The following RTP2 variants were observed in gnomAD, a reference collection of about 807,000 sequenced individuals.
The protein encoded by RTP2 is receptor-transporting protein 2.
In RTP2, 12 loss-of-function variants were observed where a neutral mutation model predicts 17.9. That is an observed-to-expected ratio of 0.67 (90% CI 0.43 to 1.09). RTP2 has a LOEUF of 1.09. Ranked by LOEUF, RTP2 falls within the 50% of genes least tolerant of loss-of-function variation. RTP2 has a pLI of 0.00. For synonymous variants in RTP2, 126 were observed against 117.7 expected (o/e 1.07, Z -0.46); for missense variants, 327 against 295.7 (o/e 1.11, Z -0.78).
At chr3:187,698,765 G>A (rs1432040100) in exon 2 of RTP2, 1 of 1,613,964 alleles carries the variant, frequency 6.2e-7, no homozygotes, top group Non-Finnish European at 8.5e-7. Context: ...CGTGGATGCG[G>A]TACTGGCCAC....
intron 1 of RTP2, among the ~76,000 whole-genome samples, chr3:187,699,911 CG>C (rs1302325811): frequency 7.2e-5 from 11 of 152,112 alleles, no homozygotes; most frequent in Non-Finnish European, 1.6e-4. Context: ...CCACTCACTC[CG>C]CCCCCACCAC....
chr3:187,698,585 CAAG>C (rs1560135290), exon 2 of RTP2: 1 of 1,614,264 alleles, frequency 6.2e-7, no homozygotes. Context: ...AGCGAAGAGA[CAAG>C]AAGTTGTAGC....
chr3:187,699,219 G>A (rs556635854), intron 1 of RTP2, among the ~76,000 whole-genome samples: 3 of 152,128 alleles, frequency 2.0e-5, no homozygotes, highest in African/African-American at 4.8e-5. Context: ...GCATCCTCAG[G>A]AGCCAGTGCC....
intron 1 of RTP2, among the ~76,000 whole-genome samples, chr3:187,700,535 A>C (rs1379403307): frequency 2.0e-5 from 3 of 152,228 alleles, no homozygotes; most frequent in Non-Finnish European, 4.4e-5. Context: ...GATCCTGGGC[A>C]CTCAAGTTTC....
At chr3:187,712,325 T>A in the RTP2 span, among the ~76,000 whole-genome samples, 4 of 152,308 alleles carry the variant, frequency 2.6e-5, no homozygotes, top group East Asian at 7.7e-4. Flanking sequence ...TCCATAATTA[T>A]TTAAAAATTT....
At chr3:187,713,611 A>G in the RTP2 span, among the ~76,000 whole-genome samples, 1 of 152,220 alleles carries the variant, frequency 6.6e-6, no homozygotes, top group African/African-American at 2.4e-5. Flanking sequence ...GTAGTGGCTC[A>G]CAACCAATCT....
Position 187,700,398 on chromosome 3 carries a change from T to C in RTP2, c.165-1387A>G, listed in dbSNP as rs574138201. On this transcript the variant is annotated intron_variant, in intron 1 of 1. Transcript: ENST00000358241. The stretch of plus-strand genomic sequence containing the variant: ...GTGAGCCTGTGCACAAATAAGCTCA[T>C]GGGCAGCAGTTCTTCAGCTCTTCCT... Among the ~76,000 whole-genome samples the C allele has an allele frequency of 3.3e-5, 5 of 152,318 alleles. No individual in the cohort carries two copies. In the East Asian group the frequency reaches 9.6e-4, roughly 29 times the overall value.
chr3:187,700,871 C>G (rs181332951), intron 1 of RTP2, among the ~76,000 whole-genome samples: 1 of 152,154 alleles, frequency 6.6e-6, no homozygotes, highest in African/African-American at 2.4e-5. Context: ...CATGAATCAG[C>G]CAACCTCTGG....
the RTP2 span, among the ~76,000 whole-genome samples, chr3:187,715,467 C>A: frequency 6.6e-6 from 1 of 151,718 alleles, no homozygotes; most frequent in Non-Finnish European, 1.5e-5. Context: ...AGAAGGTAAC[C>A]ATTTAGTGGC....
intron 1 of RTP2, among the ~76,000 whole-genome samples, chr3:187,699,728 T>TA (rs1560136000): frequency 1.5e-4 from 18 of 118,754 alleles, no homozygotes; most frequent in African/African-American, 5.8e-4. Flanking sequence ...CCATTGCCAC[T>TA]CCACACACAC....
exon 2 of RTP2, chr3:187,698,482 C>T (rs757614976): frequency 1.1e-5 from 17 of 1,589,314 alleles, no homozygotes; most frequent in Non-Finnish European, 1.4e-5. Flanking sequence ...CCCTCTCCCA[C>T]CCTTAACCAG....
upstream of RTP2, among the ~76,000 whole-genome samples, chr3:187,705,226 C>T (rs1408564804): frequency 1.3e-5 from 2 of 152,070 alleles, no homozygotes; most frequent in African/African-American, 4.8e-5. Flanking sequence ...GGTCTGGGGA[C>T]ACTTTCAGCA....
the RTP2 span, among the ~76,000 whole-genome samples, chr3:187,707,827 C>T: frequency 5.3e-5 from 8 of 152,324 alleles, no homozygotes; most frequent in African/African-American, 1.9e-4. Flanking sequence ...CCATGACACA[C>T]TTGCCGTGAA....
chr3:187,699,616 G>A (rs1318772750), intron 1 of RTP2, among the ~76,000 whole-genome samples: 1 of 151,894 alleles, frequency 6.6e-6, no homozygotes, highest in African/African-American at 2.4e-5. Context: ...ACCAAGTTTA[G>A]TTACTACATC....
chr3:187,714,827 G>A, the RTP2 span, among the ~76,000 whole-genome samples: 1 of 152,164 alleles, frequency 6.6e-6, no homozygotes, highest in South Asian at 2.1e-4. Context: ...AGACACTGAA[G>A]CCTCACAGGT....
chr3:187,707,619 A>C, the RTP2 span, among the ~76,000 whole-genome samples: 10 of 152,332 alleles, frequency 6.6e-5, no homozygotes, highest in East Asian at 1.7e-3. Flanking sequence ...GAGGCCTGAA[A>C]GATACATGGG....
the RTP2 span, among the ~76,000 whole-genome samples, chr3:187,713,283 A>G: frequency 1.3e-5 from 2 of 152,202 alleles, no homozygotes; most frequent in African/African-American, 2.4e-5. Flanking sequence ...CTAAGAGAAT[A>G]CCAACCCTAA....
chr3:187,705,391 C>A (rs550618662), upstream of RTP2, among the ~76,000 whole-genome samples: 1 of 152,142 alleles, frequency 6.6e-6, no homozygotes, highest in Non-Finnish European at 1.5e-5. Context: ...GCCATCAAGG[C>A]AGGGTGAAAA....
chr3:187,709,458 G>C, the RTP2 span, among the ~76,000 whole-genome samples: 11 of 152,228 alleles, frequency 7.2e-5, no homozygotes, highest in African/African-American at 2.6e-4. Flanking sequence ...GGCCGAGGTG[G>C]GCAGATCATG....
Sources: allele counts gnomAD v4.1 joint callset (sites outside exome capture counted in the v4.1 genomes callset), GRCh38; gene constraint gnomAD v4.1.1; transcripts MANE v1.5; gene names NCBI Gene and HGNC (gene_info 2026-07-23, HGNC 2026-07-21).